ZNF236: variants seen among roughly 807,000 people sequenced by gnomAD.
The protein encoded by ZNF236 is regulated by glucose.
ZNF236 carries 50 observed loss-of-function variants against 191.2 expected under a neutral mutation model. The ratio of observed to expected loss-of-function variants is 0.26; its 90% CI spans 0.21 to 0.33. The LOEUF (loss-of-function observed/expected upper bound fraction) is 0.33, where lower values mean the gene tolerates loss of function less well. Ranked by LOEUF, ZNF236 falls within the 10% of genes least tolerant of loss-of-function variation. ZNF236 has a pLI of 1.00. For missense variants in ZNF236, 1,754 were observed against 2,374.5 expected, an observed-to-expected ratio of 0.74 and a Z score of 5.43; for synonymous variants, 907 against 928.8, an observed-to-expected ratio of 0.98 and a Z score of 0.43.
chr18:76,873,733 G>C (rs1976639700), intron 5 of ZNF236, among the ~76,000 whole-genome samples: 1 of 152,186 alleles, frequency 6.6e-6, no homozygotes, highest in Non-Finnish European at 1.5e-5. Flanking sequence ...AGAACAGGAA[G>C]GGTATCTCTT....
At chr18:76,931,874 A>G (rs1967861146) in intron 25 of ZNF236, among the ~76,000 whole-genome samples, 1 of 152,164 alleles carries the variant, frequency 6.6e-6, no homozygotes, top group Non-Finnish European at 1.5e-5. Flanking sequence ...CCAACTATGT[A>G]TATCACTTTG....
chr18:76,864,890 A>C (rs1482216639), intron 3 of ZNF236, among the ~76,000 whole-genome samples: 1 of 152,116 alleles, frequency 6.6e-6, no homozygotes, highest in African/African-American at 2.4e-5. Flanking sequence ...AAATACTACT[A>C]ATAAATCAAA....
chr18:76,830,479 C>G (rs952729169), intron 1 of ZNF236, among the ~76,000 whole-genome samples: 1 of 152,150 alleles, frequency 6.6e-6, no homozygotes, highest in Non-Finnish European at 1.5e-5. Context: ...TCCTCTCCTA[C>G]CAGCAGGGGA....
At chr18:76,909,881 G>A (rs1967170695) in intron 14 of ZNF236, among the ~76,000 whole-genome samples, 187 bp from the exon 15 acceptor site, 1 of 152,220 alleles carries the variant, frequency 6.6e-6, no homozygotes, top group South Asian at 2.1e-4. Flanking sequence ...GGCTTTCAGG[G>A]ATGGTATTCT....
At chr18:76,839,074 T>C (rs1245834077) in intron 1 of ZNF236, among the ~76,000 whole-genome samples, 2 of 152,268 alleles carry the variant, frequency 1.3e-5, no homozygotes, top group Admixed American at 6.5e-5. Context: ...TCATTCTCAC[T>C]GTTTGATAGT....
chr18:76,915,625 T>G (rs1967336785), intron 18 of ZNF236, 22 bp from the exon 19 acceptor site: 1 of 1,612,200 alleles, frequency 6.2e-7, no homozygotes, highest in African/African-American at 1.3e-5. Flanking sequence ...TCCAGCCGTT[T>G]TTTCTGTTTC....
intron 1 of ZNF236, among the ~76,000 whole-genome samples, chr18:76,836,564 C>CATTT (rs1429071849): frequency 6.6e-6 from 1 of 151,320 alleles, no homozygotes; most frequent in East Asian, 1.9e-4. Context: ...GTTTTATTTT[C>CATTT]ATTTATTTAT....
chr18:76,909,499 C>T (rs977463966), intron 14 of ZNF236, among the ~76,000 whole-genome samples: 1 of 152,036 alleles, frequency 6.6e-6, no homozygotes, highest in Non-Finnish European at 1.5e-5. Context: ...CTGTGGGTGA[C>T]TGGTCTGCGG....
intron 18 of ZNF236, among the ~76,000 whole-genome samples, chr18:76,914,138 C>G (rs1789257): frequency 0.34 from 51,237 of 152,048 alleles, 9,026 homozygotes; most frequent in East Asian, 0.51. Flanking sequence ...GAACCTCAGG[C>G]ACCCAGTATC....
chr18:76,949,362 G>A (rs563920793), intron 27 of ZNF236, among the ~76,000 whole-genome samples: 29 of 152,184 alleles, frequency 1.9e-4, no homozygotes, highest in Admixed American at 5.9e-4. Flanking sequence ...GATATATTCC[G>A]TTTTAACTTC....
chr18:76,859,167 G>A (rs1599338674), intron 3 of ZNF236, among the ~76,000 whole-genome samples: 1 of 82,860 alleles, frequency 1.2e-5, no homozygotes, highest in East Asian at 4.6e-4. Flanking sequence ...GGTGGAGGCG[G>A]GTGCAGGTGG....
chr18:76,929,965 C>A (rs573884917), intron 25 of ZNF236, among the ~76,000 whole-genome samples: 1 of 152,218 alleles, frequency 6.6e-6, no homozygotes, highest in Non-Finnish European at 1.5e-5. Flanking sequence ...TGAGTCCTAG[C>A]ATTCAGAAAA....
chr18:76,930,149 A>G (rs1568235741), intron 25 of ZNF236, among the ~76,000 whole-genome samples: 1 of 152,320 alleles, frequency 6.6e-6, no homozygotes, highest in East Asian at 1.9e-4. Context: ...TCATCCACGG[A>G]TCTTTTGAAT....
At chr18:76,843,826 A>T (rs1230502275) in intron 1 of ZNF236, among the ~76,000 whole-genome samples, 2 of 141,586 alleles carry the variant, frequency 1.4e-5, no homozygotes, top group Non-Finnish European at 3.1e-5. Flanking sequence ...GACCGGGCGC[A>T]GTGGCTCACG....
chr18:76,827,129 C>T (rs775895432), intron 1 of ZNF236, among the ~76,000 whole-genome samples: 2 of 152,118 alleles, frequency 1.3e-5, no homozygotes, highest in Admixed American at 6.5e-5. Flanking sequence ...CTCCTGACCT[C>T]GGGTGATCCT....
At chr18:76,883,485 G>A (rs1476514574) in intron 9 of ZNF236, among the ~76,000 whole-genome samples, 13 of 150,968 alleles carry the variant, frequency 8.6e-5, no homozygotes, top group Admixed American at 8.6e-4. Context: ...GTACAGTGGT[G>A]CAATTATAGC....
At chr18:76,904,982 G>C (rs1977699412) in intron 12 of ZNF236, among the ~76,000 whole-genome samples, 173 bp from the exon 13 acceptor site, 1 of 152,234 alleles carries the variant, frequency 6.6e-6, no homozygotes, top group Non-Finnish European at 1.5e-5. Context: ...GGTCGCTTAA[G>C]CACTCTGAGT....
chr18:76,822,902 C>T (rs1223744607), intron 1 of ZNF236, among the ~76,000 whole-genome samples: 7 of 147,758 alleles, frequency 4.7e-5, no homozygotes, highest in African/African-American at 1.5e-4. Context: ...GGCCGGGCGG[C>T]GGCTGAGGCG....
intron 25 of ZNF236, among the ~76,000 whole-genome samples, chr18:76,934,369 G>A (rs922786504): frequency 2.0e-5 from 3 of 152,204 alleles, no homozygotes; most frequent in Non-Finnish European, 4.4e-5. Context: ...CCCATAGAAT[G>A]TAAGTACTGT....
Sources: gnomAD v4.1 joint callset for allele counts (sites outside exome capture counted in the v4.1 genomes callset) on GRCh38, gnomAD v4.1.1 for gene constraint, MANE v1.5 for transcripts, NCBI Gene and HGNC (gene_info 2026-07-23, HGNC 2026-07-21) for gene names.